Variants in CYB5R4 observed in about 807,000 individuals in gnomAD.
CYB5R4 encodes cytochrome b5 reductase 4.
In CYB5R4, 55 loss-of-function variants were observed where a neutral mutation model predicts 70.2. That is an observed-to-expected ratio of 0.78 (90% CI 0.63 to 0.98). CYB5R4 has a LOEUF of 0.98. CYB5R4 is among the 50% of genes least tolerant of loss of function. CYB5R4 has a pLI of 0.00. For synonymous variants in CYB5R4, 197 were observed against 199.5 expected (o/e 0.99, Z 0.11); for missense variants, 562 against 612.6 (o/e 0.92, Z 0.87).
intron 2 of CYB5R4, among the ~76,000 whole-genome samples, chr6:83,882,489 A>G (rs753171861): frequency 6.6e-5 from 10 of 152,208 alleles, no homozygotes; most frequent in Non-Finnish European, 1.5e-4. Context: ...CTACTAAAAC[A>G]GTCAATAATC....
At chr6:83,949,560 A>G (rs148016131) in intron 14 of CYB5R4, among the ~76,000 whole-genome samples, 6 of 152,284 alleles carry the variant, frequency 3.9e-5, no homozygotes, top group African/African-American at 1.4e-4. Context: ...ATTAAAAAAC[A>G]AATTTTGTAG....
At chr6:83,861,404 T>C (rs190261148) in intron 1 of CYB5R4, among the ~76,000 whole-genome samples, 1 of 152,314 alleles carries the variant, frequency 6.6e-6, no homozygotes, top group Admixed American at 6.5e-5. Context: ...TAGAACCAAG[T>C]TGGGAAGGTC....
At chr6:83,905,955 G>A (rs1343161497) in intron 3 of CYB5R4, among the ~76,000 whole-genome samples, 1 of 152,150 alleles carries the variant, frequency 6.6e-6, no homozygotes, top group East Asian at 1.9e-4. Flanking sequence ...GCCCCTGGGA[G>A]GAGTGTTCAG....
intron 14 of CYB5R4, among the ~76,000 whole-genome samples, chr6:83,944,041 A>G (rs9449727): frequency 0.19 from 29,561 of 152,054 alleles, 6,152 homozygotes; most frequent in African/African-American, 0.51. Context: ...AACTTCCCCA[A>G]CCTAGCAACA....
At chr6:83,947,103 A>G (rs529916359) in intron 14 of CYB5R4, among the ~76,000 whole-genome samples, 10 of 152,314 alleles carry the variant, frequency 6.6e-5, no homozygotes, top group South Asian at 2.1e-4. Flanking sequence ...AGCCAAGACA[A>G]TCCTAAGCAA....
At chr6:83,892,826 T>TTCTCTCTCTCTCTTCC (rs1174344521) in intron 2 of CYB5R4, among the ~76,000 whole-genome samples, 1 of 151,416 alleles carries the variant, frequency 6.6e-6, no homozygotes, top group Non-Finnish European at 1.5e-5. Context: ...AGTAGTCACT[T>TTCTCTCTCTCTCTTCC]TCTCTCTCTC....
chr6:83,880,004 G>C (rs1437454543), intron 2 of CYB5R4, among the ~76,000 whole-genome samples: 1 of 152,058 alleles, frequency 6.6e-6, no homozygotes, highest in Non-Finnish European at 1.5e-5. Context: ...CTCTCTGATG[G>C]GCTCAAAATT....
At chr6:83,880,122 A>C (rs1562828933) in intron 2 of CYB5R4, among the ~76,000 whole-genome samples, 1 of 152,164 alleles carries the variant, frequency 6.6e-6, no homozygotes, top group Non-Finnish European at 1.5e-5. Context: ...TTTTATTGAC[A>C]CGTAATTGTA....
chr6:83,954,259 C>T (rs1424914718), intron 14 of CYB5R4, among the ~76,000 whole-genome samples: 1 of 152,172 alleles, frequency 6.6e-6, no homozygotes, highest in African/African-American at 2.4e-5. Flanking sequence ...CCAGTTTAAG[C>T]TCTTTTCTCA....
At chr6:83,867,033 TG>T (rs2099456838) in intron 2 of CYB5R4, among the ~76,000 whole-genome samples, 1 of 152,224 alleles carries the variant, frequency 6.6e-6, no homozygotes, top group Non-Finnish European at 1.5e-5. Context: ...TTACAGAGTT[TG>T]GTCTTTTATT....
At chr6:83,901,705 G>GTTT (rs34070915) in intron 3 of CYB5R4, among the ~76,000 whole-genome samples, 8,591 of 143,938 alleles carry the variant, frequency 0.06, 290 homozygotes, top group African/African-American at 0.098. Context: ...ATTATTTCTT[G>GTTT]TTTTTTTTTT....
intron 3 of CYB5R4, 31 bp downstream of exon 3, chr6:83,893,653 C>G (rs781053747): frequency 5.5e-5 from 69 of 1,261,066 alleles, no homozygotes; most frequent in Middle Eastern, 1.9e-4. Flanking sequence ...CCAAAGTATT[C>G]CGGTGGAAGA....
rs145011285 is a variant in CYB5R4 at position 83,954,717 on chromosome 6, A to G, written c.1347-581A>G. ...TTCTCTGAGATCCCTTGGGATCTTTATTTCATTTATATATTTATTTTTAAT... is the reference window on the plus strand; with the variant it reads ...TTCTCTGAGATCCCTTGGGATCTTTGTTTCATTTATATATTTATTTTTAAT... On this transcript the variant is annotated intron_variant, in intron 14 of 15. Coordinates refer to ENST00000369681, the MANE Select transcript of CYB5R4 (RefSeq NM_016230.4). 2.2e-3 allele frequency among the ~76,000 whole-genome samples: 336 copies of G among 151,578 alleles called. 3 individuals are homozygous for G. Among genetic ancestry groups the G allele is most frequent in the East Asian group, 0.02 (104 of 5,162 alleles).
chr6:83,868,918 C>A (rs938891836), intron 2 of CYB5R4, among the ~76,000 whole-genome samples: 1 of 152,184 alleles, frequency 6.6e-6, no homozygotes, highest in African/African-American at 2.4e-5. Context: ...TGGCTTGATA[C>A]TCAATAACAG....
chr6:83,873,232 C>CTTTT (rs1289687703), intron 2 of CYB5R4, among the ~76,000 whole-genome samples: 1 of 140,706 alleles, frequency 7.1e-6, no homozygotes. Flanking sequence ...ATAGGGTATC[C>CTTTT]TTCTTTTTTT....
intron 3 of CYB5R4, among the ~76,000 whole-genome samples, chr6:83,894,941 A>C (rs147118995): frequency 6.6e-6 from 1 of 152,266 alleles, no homozygotes; most frequent in African/African-American, 2.4e-5. Flanking sequence ...ACTCGGTTGC[A>C]GTTCAAACCT....
chr6:83,914,994 T>C (rs1162649876), intron 5 of CYB5R4, among the ~76,000 whole-genome samples: 1 of 152,194 alleles, frequency 6.6e-6, no homozygotes, highest in East Asian at 1.9e-4. Flanking sequence ...TCAGCTTGAA[T>C]ACTTGTAGCA....
intron 8 of CYB5R4, 87 bp from the exon 9 acceptor site, chr6:83,922,351 A>G (rs1588577298): frequency 2.0e-6 from 2 of 1,007,948 alleles, no homozygotes; most frequent in East Asian, 2.6e-5. Flanking sequence ...GAAATAGTAC[A>G]TAAAAGAGCC....
intron 2 of CYB5R4, among the ~76,000 whole-genome samples, chr6:83,889,992 T>C (rs186138785): frequency 3.1e-4 from 47 of 152,304 alleles, no homozygotes; most frequent in African/African-American, 1.1e-3. Flanking sequence ...ACCTCCAGCA[T>C]TGAGGATTAC....
Sources: allele counts gnomAD v4.1 joint callset (sites outside exome capture counted in the v4.1 genomes callset), GRCh38; gene constraint gnomAD v4.1.1; transcripts MANE v1.5; gene names NCBI Gene and HGNC (gene_info 2026-07-23, HGNC 2026-07-21).